MPZL1: variants seen among roughly 807,000 people sequenced by gnomAD.
MPZL1 encodes myelin protein zero like 1, also known as myelin protein zero-like protein 1.
In MPZL1, 16 loss-of-function variants were observed where a neutral mutation model predicts 29.3. That is an observed-to-expected ratio of 0.55 (90% confidence interval 0.37 to 0.83). The LOEUF (loss-of-function observed/expected upper bound fraction) is 0.83. Ranked by LOEUF, MPZL1 falls within the 40% of genes least tolerant of loss-of-function variation. The pLI is 0.00. For missense variants in MPZL1, 279 were observed against 332.9 expected (o/e 0.84, Z 1.26); for synonymous variants, 143 against 132.0 (o/e 1.08, Z -0.57).
intron 3 of MPZL1, 34 bp from the exon 4 acceptor site, chr1:167,773,202 T>C: frequency 6.3e-7 from 1 of 1,596,052 alleles, no homozygotes; most frequent in Non-Finnish European, 8.6e-7. Context: ...TCTGTAGCAA[T>C]GTACCTTAAA....
intron 4 of MPZL1, chr1:167,774,952 A>G (rs182002773): frequency 1.3e-5 from 2 of 152,270 alleles, no homozygotes; most frequent in East Asian, 1.9e-4. Context: ...CCCAACAGCT[A>G]TTATGATTTG....
At chr1:167,746,492 A>G (rs948669269) in intron 1 of MPZL1, among the ~76,000 whole-genome samples, 1 of 152,218 alleles carries the variant, frequency 6.6e-6, no homozygotes, top group Non-Finnish European at 1.5e-5. Context: ...GAGTGAAGAC[A>G]ATACATATGT....
At chr1:167,770,155 G>A (rs1399003437) in intron 2 of MPZL1, among the ~76,000 whole-genome samples, 1 of 152,184 alleles carries the variant, frequency 6.6e-6, no homozygotes, top group Admixed American at 6.5e-5. Flanking sequence ...AGAAAATCTA[G>A]ATGATCATTA....
Position 167,788,123 on chromosome 1 carries a change from C to A in MPZL1, c.*202C>A. On this transcript the variant is annotated 3_prime_UTR_variant, in exon 6 of 6. Transcript: ENST00000359523. Reference sequence around the variant, plus strand: ...ATCCTGATATGAGGAGCCAGTGTTGCATGATGAAAAGATGGTATGATTCTA... The same window carrying A: ...ATCCTGATATGAGGAGCCAGTGTTGAATGATGAAAAGATGGTATGATTCTA... 2.0e-6 allele frequency: 1 copy of A among 502,344 alleles called. No individual in the cohort carries two copies. The highest frequency in any genetic ancestry group is 3.6e-6 in the Non-Finnish European group (1 of 275,092). 31.1% of individuals were successfully genotyped at this position (502,344 alleles called of 1,614,324 possible). A position where few individuals can be genotyped will look rare whatever the true frequency, so the allele number is the denominator to read the frequency against.
chr1:167,755,607 C>A (rs1660853156), intron 1 of MPZL1, among the ~76,000 whole-genome samples: 1 of 152,166 alleles, frequency 6.6e-6, no homozygotes, highest in Admixed American at 6.5e-5. Context: ...TTGCTAAGAA[C>A]CAAGAAATGT....
chr1:167,727,123 T>A (rs1422187236), intron 1 of MPZL1, among the ~76,000 whole-genome samples: 1 of 152,254 alleles, frequency 6.6e-6, no homozygotes, highest in Non-Finnish European at 1.5e-5. Context: ...TAGGGTTTCT[T>A]TAAAGATTGG....
At chr1:167,746,902 G>A (rs1041851590) in intron 1 of MPZL1, among the ~76,000 whole-genome samples, 1 of 152,258 alleles carries the variant, frequency 6.6e-6, no homozygotes, top group East Asian at 1.9e-4. Context: ...TATTCTTGCT[G>A]TGGTTTTATT....
intron 1 of MPZL1, among the ~76,000 whole-genome samples, chr1:167,745,691 C>T (rs1161579102): frequency 1.3e-5 from 2 of 151,998 alleles, no homozygotes; most frequent in Non-Finnish European, 2.9e-5. Context: ...ACTCATTTTA[C>T]TATGCATATC....
chr1:167,757,785 G>T (rs1660897941), intron 1 of MPZL1, among the ~76,000 whole-genome samples: 1 of 152,270 alleles, frequency 6.6e-6, no homozygotes, highest in East Asian at 1.9e-4. Flanking sequence ...ACATCAAAGT[G>T]CTTAAAAAAA....
At chr1:167,755,577 A>C (rs1238737968) in intron 1 of MPZL1, among the ~76,000 whole-genome samples, 1 of 152,190 alleles carries the variant, frequency 6.6e-6, no homozygotes, top group Non-Finnish European at 1.5e-5. Context: ...TCCTACCAAA[A>C]GTTCCTTATT....
Position 167,755,257 on chromosome 1 carries a change from T to C in MPZL1, c.92-10326T>C, listed in dbSNP as rs1660844835. Among the ~76,000 whole-genome samples, 4 of 152,228 alleles carry C rather than the reference T, an allele frequency of 2.6e-5. No homozygotes were observed. The South Asian group carries it at 8.3e-4, about 32-fold the overall frequency. ...TGCCATCGACCGTAGGCGTATTCTTTCCAATCTCTTGTTCTGTCCTTCTAG... is the reference window on the plus strand; with the variant it reads ...TGCCATCGACCGTAGGCGTATTCTTCCCAATCTCTTGTTCTGTCCTTCTAG... On this transcript the variant is annotated intron_variant, in intron 1 of 5. Transcript: ENST00000359523.
rs567068871 is a variant in MPZL1 at position 167,728,054 on chromosome 1, T to C, written c.91+5812T>C. Among the ~76,000 whole-genome samples the C allele has an allele frequency of 8.8e-3, 1,251 of 141,412 alleles. 20 individuals are homozygous for C. Among genetic ancestry groups the C allele is most frequent in the Admixed American group, 0.03 (427 of 14,412 alleles). 92.8% of individuals were successfully genotyped at this position (141,412 alleles called of 152,430 possible). ...AACTAATTTTTTTTTTTTTTTTTTT[T>C]CTGAGGCAGAGTTTCACTCCTGTTG... On this transcript the variant is annotated intron_variant, in intron 1 of 5. Transcript: ENST00000359523.
At chr1:167,753,548 T>G (rs899532398) in intron 1 of MPZL1, among the ~76,000 whole-genome samples, 2 of 152,074 alleles carry the variant, frequency 1.3e-5, no homozygotes, top group Non-Finnish European at 2.9e-5. Context: ...TAATTTACCC[T>G]CCCCTGGGTG....
chr1:167,746,088 G>GA (rs1413341123), intron 1 of MPZL1, among the ~76,000 whole-genome samples: 2 of 152,132 alleles, frequency 1.3e-5, no homozygotes, highest in African/African-American at 4.8e-5. Context: ...TTATACTTCA[G>GA]AAAAAATACC....
At chr1:167,745,718 G>A (rs569747254) in intron 1 of MPZL1, among the ~76,000 whole-genome samples, 2 of 152,026 alleles carry the variant, frequency 1.3e-5, no homozygotes, top group South Asian at 4.2e-4. Context: ...TTTAAATTCT[G>A]AGCTAAGAAA....
At chr1:167,786,630 T>C (rs1558127746) in intron 5 of MPZL1, among the ~76,000 whole-genome samples, 1 of 152,190 alleles carries the variant, frequency 6.6e-6, no homozygotes. Flanking sequence ...TGTATAGCCC[T>C]TACAACTGGG....
At chr1:167,752,473 T>C (rs1660778362) in intron 1 of MPZL1, among the ~76,000 whole-genome samples, 1 of 152,226 alleles carries the variant, frequency 6.6e-6, no homozygotes, top group South Asian at 2.1e-4. Flanking sequence ...CACATTCTTG[T>C]GTATATTTCC....
intron 1 of MPZL1, among the ~76,000 whole-genome samples, chr1:167,723,108 GTGT>G (rs745989811): frequency 1.3e-5 from 2 of 152,204 alleles, no homozygotes; most frequent in Admixed American, 1.3e-4. Flanking sequence ...GGACTTTTCT[GTGT>G]TGTTGTTCAA....
chr1:167,763,907 G>A (rs1232366946), intron 1 of MPZL1, among the ~76,000 whole-genome samples: 1 of 152,166 alleles, frequency 6.6e-6, no homozygotes, highest in Non-Finnish European at 1.5e-5. Flanking sequence ...TAAAAGAATA[G>A]CCAAAAGTGC....
Sources: gnomAD v4.1 joint callset for allele counts (sites outside exome capture counted in the v4.1 genomes callset) on GRCh38, gnomAD v4.1.1 for gene constraint, MANE v1.5 for transcripts, NCBI Gene and HGNC (gene_info 2026-07-23, HGNC 2026-07-21) for gene names.